The following SMG6 variants were observed in gnomAD, a reference collection of about 807,000 sequenced individuals.
SMG6 encodes the protein SMG6 nonsense mediated mRNA decay factor, also known as telomerase-binding protein EST1A.
In SMG6, 66 loss-of-function variants were observed where a neutral mutation model predicts 142.2. The observed-to-expected ratio is 0.46, with a 90% CI of 0.38 to 0.57. The LOEUF (loss-of-function observed/expected upper bound fraction) is 0.57, where lower values mean the gene tolerates loss of function less well. Ranked by LOEUF, SMG6 falls within the 20% of genes least tolerant of loss-of-function variation. The pLI is 0.00. For synonymous variants in SMG6, 779 were observed against 702.4 expected (o/e 1.11, Z -1.72); for missense variants, 1,793 against 1,832.0 (o/e 0.98, Z 0.39).
chr17:2,279,619 A>C (rs1004278691), intron 8 of SMG6, among the ~76,000 whole-genome samples: 4 of 152,196 alleles, frequency 2.6e-5, no homozygotes. Context: ...GATGGCAGCA[A>C]TGAGAAAGGA....
In SMG6 at chr17:2,076,610, G is replaced by A. The variant is rs377642507; in HGVS notation, c.3681+5200C>T. 8.5e-5 allele frequency among the ~76,000 whole-genome samples: 13 copies of A among 152,294 alleles called. No individual in the cohort carries two copies. The South Asian group carries it at 2.1e-3, about 24-fold the overall frequency. On this transcript the variant is annotated intron_variant, in intron 15 of 18. Transcript: ENST00000263073. ...CCTCGGCACAGACTCCAGGGTTCAC[G>A]CATATGGCCAGACAGATGTGTCTGG... is the stretch of plus-strand genomic sequence containing the variant.
chr17:2,278,573 T>C (rs577761097), intron 8 of SMG6, among the ~76,000 whole-genome samples: 1 of 152,318 alleles, frequency 6.6e-6, no homozygotes, highest in Non-Finnish European at 1.5e-5. Context: ...ACTTGAAAAG[T>C]TCCTTTTAAA....
At chr17:2,253,365 G>A (rs1440207490) in intron 8 of SMG6, among the ~76,000 whole-genome samples, 1 of 151,958 alleles carries the variant, frequency 6.6e-6, no homozygotes, top group African/African-American at 2.4e-5. Flanking sequence ...GGATGGTCTC[G>A]ATCTCCTGAC....
intron 12 of SMG6, among the ~76,000 whole-genome samples, chr17:2,174,999 C>A (rs1246943205): frequency 6.6e-6 from 1 of 152,168 alleles, no homozygotes; most frequent in African/African-American, 2.4e-5. Context: ...CCTCCGGTCC[C>A]GGCTGCAGAG....
intron 13 of SMG6, among the ~76,000 whole-genome samples, chr17:2,148,163 C>T (rs745855339): frequency 6.6e-6 from 1 of 151,992 alleles, no homozygotes; most frequent in Non-Finnish European, 1.5e-5. Context: ...TGCACTCCAG[C>T]CTGGGCGACA....
In SMG6 at chr17:2,068,793, C is replaced by G; in HGVS notation, c.3820G>C (p.Val1274Leu). The G allele has an allele frequency of 6.2e-7, 1 of 1,614,112 alleles. No homozygotes were observed. The highest frequency in any genetic ancestry group is 8.5e-7 in the Non-Finnish European group (1 of 1,179,972). The change falls in exon 16 of 19, where the codon GTG becomes CTG. Residue 1274 changes from valine (V) to leucine (L), a missense_variant. By Grantham distance (32) the Val-to-Leu change is conservative. Coordinates refer to ENST00000263073, the MANE Select transcript of SMG6 (RefSeq NM_017575.5). This position sits in a 1 kb window ranked among gnomAD's most constrained non-coding sequence, Gnocchi z 6.7. ...RLLESRKYIL[V>L]VPLIVINELD... is the part of the protein sequence containing the mutation. ...CCTGACTCACCGATGAGGGGCACCA[C>G]CAGGATGTACTTCCTGCTCTCCAGC...
At chr17:2,303,450 C>A (rs1205434140) in intron 1 of SMG6, 183 bp downstream of exon 1, 4 of 1,304,286 alleles carry the variant, frequency 3.1e-6, no homozygotes, top group South Asian at 4.4e-5. Flanking sequence ...ACTGGCCGAG[C>A]CCGACCCCGC....
intron 13 of SMG6, among the ~76,000 whole-genome samples, chr17:2,106,011 C>A (rs892024149): frequency 3.9e-5 from 6 of 152,296 alleles, no homozygotes; most frequent in African/African-American, 9.6e-5. Flanking sequence ...ATCTGTCAAT[C>A]CAAGTAACTT....
chr17:2,216,513 G>A (rs1421901426), intron 10 of SMG6, among the ~76,000 whole-genome samples: 1 of 152,092 alleles, frequency 6.6e-6, no homozygotes, highest in Non-Finnish European at 1.5e-5. Context: ...TTAACATTTT[G>A]CAAGGCACAA....
chr17:2,199,282 GA>G (rs1263336623), intron 10 of SMG6, among the ~76,000 whole-genome samples: 2 of 152,158 alleles, frequency 1.3e-5, no homozygotes, highest in African/African-American at 4.8e-5. Flanking sequence ...CTTCATAAAG[GA>G]AACTACTTAG....
chr17:2,092,322 T>G (rs532603157), intron 13 of SMG6, among the ~76,000 whole-genome samples: 29 of 152,274 alleles, frequency 1.9e-4, no homozygotes, highest in African/African-American at 7.0e-4. Flanking sequence ...TGAAGGGTCA[T>G]TGGGTCACAA....
chr17:2,122,454 G>A (rs2069732736), intron 13 of SMG6: 2 of 152,188 alleles, frequency 1.3e-5, no homozygotes, highest in African/African-American at 4.8e-5. Context: ...GTGTCAGAGG[G>A]CTGGTTTTGC....
chr17:2,165,308 C>T (rs1338505376), intron 13 of SMG6, among the ~76,000 whole-genome samples: 3 of 151,790 alleles, frequency 2.0e-5, no homozygotes, highest in African/African-American at 7.3e-5. Context: ...GAAAACTAGA[C>T]ATGAGCGATA....
chr17:2,162,499 G>C (rs2071211934), intron 13 of SMG6, among the ~76,000 whole-genome samples: 1 of 131,188 alleles, frequency 7.6e-6, no homozygotes, highest in South Asian at 2.7e-4. Flanking sequence ...GGGCGACAGA[G>C]TGAGACTCCC....
intron 8 of SMG6, among the ~76,000 whole-genome samples, chr17:2,253,772 A>G (rs546746297): frequency 6.6e-6 from 1 of 152,284 alleles, no homozygotes; most frequent in Non-Finnish European, 1.5e-5. Context: ...GCACCATCCC[A>G]TTCTATGATA....
At chr17:2,236,241 C>G (rs1192271950) in intron 10 of SMG6, among the ~76,000 whole-genome samples, 3 of 152,122 alleles carry the variant, frequency 2.0e-5, no homozygotes, top group Non-Finnish European at 4.4e-5. Flanking sequence ...TGTGCAACTG[C>G]ATCTCTGCAT....
At chr17:2,275,124 A>G (rs2074620444) in intron 8 of SMG6, among the ~76,000 whole-genome samples, 1 of 152,052 alleles carries the variant, frequency 6.6e-6, no homozygotes. Flanking sequence ...TCCTTCCTAC[A>G]TATATAAAGA....
At chr17:2,162,600 C>T (rs963219385) in intron 13 of SMG6, among the ~76,000 whole-genome samples, 1 of 149,648 alleles carries the variant, frequency 6.7e-6, no homozygotes, top group Non-Finnish European at 1.5e-5. Context: ...GAAGCTGAGG[C>T]GGGAATACTG....
rs140746531 is a variant in SMG6 at position 2,300,168 on chromosome 17, T to C, written c.585A>G (p.Pro195=). Reference sequence around the variant, plus strand: ...GGCTCTTTTCTATCTCAGCCCTGTCTGGTTTATTCGCAACTTCCTCCTTCG... The same window carrying C: ...GGCTCTTTTCTATCTCAGCCCTGTCCGGTTTATTCGCAACTTCCTCCTTCG... ...NVAKEEVANK[P]DRAEIEKSPG... The change falls in exon 2 of 19, where the codon CCA becomes CCG. Residue 195 remains proline, a synonymous_variant. Transcript: ENST00000263073. The C allele has an allele frequency of 9.4e-5, 151 of 1,614,106 alleles. No individual in the cohort carries two copies. The African/African-American group carries it at 1.7e-3, about 19-fold the overall frequency.
Sources: gnomAD v4.1 joint callset for allele counts (sites outside exome capture counted in the v4.1 genomes callset) on GRCh38, gnomAD v4.1.1 for gene constraint, Gnocchi (gnomAD v3.1) non-coding constraint, MANE v1.5 for transcripts, NCBI Gene and HGNC (gene_info 2026-07-23, HGNC 2026-07-21) for gene names.